The following TNFRSF8 variants were observed in gnomAD, a reference collection of about 807,000 sequenced individuals.
TNFRSF8 encodes tumor necrosis factor receptor superfamily member 8.
In TNFRSF8, 26 loss-of-function variants were observed where a neutral mutation model predicts 70.8. That is an observed-to-expected ratio of 0.37 (90% confidence interval 0.27 to 0.51). TNFRSF8 has a LOEUF of 0.51. TNFRSF8 is among the 20% of genes least tolerant of loss of function. The pLI, the probability that TNFRSF8 is intolerant of heterozygous loss-of-function variation, is 0.94. For synonymous variants in TNFRSF8, 356 were observed against 339.2 expected, an observed-to-expected ratio of 1.05 and a Z score of -0.54; for missense variants, 720 against 807.9, an observed-to-expected ratio of 0.89 and a Z score of 1.32.
chr1:12,132,099 T>A (rs1176050851), intron 12 of TNFRSF8, among the ~76,000 whole-genome samples: 1 of 152,202 alleles, frequency 6.6e-6, no homozygotes, highest in Non-Finnish European at 1.5e-5. Flanking sequence ...GTCTCATTTT[T>A]AAAAATAGTT....
At chr1:12,104,581 T>C (rs1371797012) in intron 4 of TNFRSF8, 50 bp downstream of exon 4, 22 of 1,608,540 alleles carry the variant, frequency 1.4e-5, no homozygotes, top group Non-Finnish European at 1.7e-5. Flanking sequence ...CTGTTGCTGC[T>C]GCACCTTCCG....
intron 1 of TNFRSF8, among the ~76,000 whole-genome samples, chr1:12,083,167 GA>G (rs1409985274): frequency 2.0e-5 from 3 of 152,210 alleles, no homozygotes; most frequent in Non-Finnish European, 2.9e-5. Flanking sequence ...ACCAAGTGCT[GA>G]CAAGGATGTG....
In TNFRSF8 at chr1:12,122,571, C is replaced by T. The variant is rs1251833645; in HGVS notation, c.947-713C>T. Among the ~76,000 whole-genome samples, 3 of 151,674 alleles carry T rather than the reference C, an allele frequency of 2.0e-5. No homozygotes were observed. The South Asian group carries it at 6.2e-4, about 32-fold the overall frequency. ...CTGAGGCAGGAGAATCACTTGAATCCGGGAGGCAGAAGTTGCAATGAGCTG... is the reference window on the plus strand; with the variant it reads ...CTGAGGCAGGAGAATCACTTGAATCTGGGAGGCAGAAGTTGCAATGAGCTG... On this transcript the variant is annotated intron_variant, in intron 8 of 14. Transcript: ENST00000263932.
At chr1:12,129,732 G>C (rs1028920841) in intron 12 of TNFRSF8, among the ~76,000 whole-genome samples, 1 of 152,092 alleles carries the variant, frequency 6.6e-6, no homozygotes, top group African/African-American at 2.4e-5. Context: ...GCCAGGTTTC[G>C]ATGTCTCCCT....
chr1:12,072,589 TG>T (rs559336776), intron 1 of TNFRSF8, among the ~76,000 whole-genome samples: 678 of 152,222 alleles, frequency 4.5e-3, no homozygotes, highest in Non-Finnish European at 7.3e-3. Flanking sequence ...GGGGCGAGCC[TG>T]GGGCCTGCTT....
intron 2 of TNFRSF8, among the ~76,000 whole-genome samples, chr1:12,096,652 C>T (rs1285561530): frequency 6.6e-6 from 1 of 152,102 alleles, no homozygotes; most frequent in African/African-American, 2.4e-5. Context: ...TCATATAGTG[C>T]TTGTTGGGTG....
At chr1:12,116,370 A>C (rs1003227116) in intron 8 of TNFRSF8, among the ~76,000 whole-genome samples, 41 of 152,344 alleles carry the variant, frequency 2.7e-4, no homozygotes, top group African/African-American at 9.6e-4. Context: ...TTCTAACAGG[A>C]CGGTTGGCTT....
Position 12,123,333 on chromosome 1 carries a change from G to T in TNFRSF8, c.996G>T (p.Gln332His), listed in dbSNP as rs1641868011. Reference sequence around the variant, plus strand: ...TTGAGGCGCCACCCCTGGGGACCCAGCCGGACTGCAACCCCACCCCAGAGA... The same window carrying T: ...TTGAGGCGCCACCCCTGGGGACCCATCCGGACTGCAACCCCACCCCAGAGA... The part of the protein sequence containing the change: ...TTFEAPPLGT[Q>H]PDCNPTPENG... The change falls in exon 9 of 15, where the codon CAG becomes CAT. Residue 332 changes from glutamine to histidine, a missense_variant. Transcript: ENST00000263932. The T allele has an allele frequency of 6.2e-7, 1 of 1,613,326 alleles. No homozygotes were observed. Among genetic ancestry groups the T allele is most frequent in the African/African-American group, 1.3e-5 (1 of 74,906 alleles).
intron 12 of TNFRSF8, 103 bp downstream of exon 12, chr1:12,126,339 C>T (rs527989554): frequency 1.2e-5 from 16 of 1,358,440 alleles, no homozygotes; most frequent in Admixed American, 3.5e-5. Context: ...ACCCCAGCCT[C>T]GAAGCTCCCT....
intron 12 of TNFRSF8, among the ~76,000 whole-genome samples, chr1:12,128,041 C>G (rs1466052474): frequency 6.6e-6 from 1 of 152,196 alleles, no homozygotes; most frequent in East Asian, 1.9e-4. Flanking sequence ...TCACAGAGCA[C>G]CGGGTGAGAA....
At chr1:12,080,734 A>T (rs1482223221) in intron 1 of TNFRSF8, among the ~76,000 whole-genome samples, 1 of 151,740 alleles carries the variant, frequency 6.6e-6, no homozygotes, top group Non-Finnish European at 1.5e-5. Context: ...ATTTTTTCGT[A>T]TTTTTAGTAG....
chr1:12,102,291 G>A (rs549242208), intron 3 of TNFRSF8, among the ~76,000 whole-genome samples: 44 of 152,280 alleles, frequency 2.9e-4, no homozygotes, highest in African/African-American at 1.0e-3. Context: ...GGGAAGACGC[G>A]TGGCCTCTGG....
intron 1 of TNFRSF8, among the ~76,000 whole-genome samples, chr1:12,072,860 T>A (rs1434375014): frequency 6.6e-6 from 1 of 152,122 alleles, no homozygotes; most frequent in Non-Finnish European, 1.5e-5. Context: ...GCAGGCACCC[T>A]TCCCACTCTT....
intron 3 of TNFRSF8, among the ~76,000 whole-genome samples, chr1:12,100,632 A>T (rs1180733999): frequency 6.6e-6 from 1 of 152,160 alleles, no homozygotes; most frequent in African/African-American, 2.4e-5. Context: ...CAGAGTCAGG[A>T]TCATCAGAAT....
intron 2 of TNFRSF8, among the ~76,000 whole-genome samples, chr1:12,087,222 C>T (rs968222716): frequency 5.1e-5 from 7 of 136,406 alleles, no homozygotes; most frequent in South Asian, 4.6e-4. Context: ...GGCTGGAGTA[C>T]GGTGGTGTGA....
intron 1 of TNFRSF8, among the ~76,000 whole-genome samples, chr1:12,077,309 A>G (rs1018506954): frequency 3.3e-5 from 5 of 152,164 alleles, no homozygotes; most frequent in Non-Finnish European, 7.3e-5. Flanking sequence ...GGCGGGCCCA[A>G]TCTAATCACA....
At position 12,136,870 on chromosome 1, in the gene TNFRSF8, C is replaced by CT. The variant is rs201470263; in HGVS notation, c.1335+1282dup. On this transcript the variant is annotated intron_variant, in intron 13 of 14. Transcript: ENST00000263932. ...TTTCCACTTTGAAAAATACTCAGTT[C>CT]TTTTTTTTTTTTTTTTTTTTTTTTT... Among the ~76,000 whole-genome samples, 475 of 118,630 alleles carry CT rather than the reference C, an allele frequency of 4.0e-3. 2 individuals are homozygous for CT. Among genetic ancestry groups the CT allele is most frequent in the African/African-American group, 8.9e-3 (285 of 31,966 alleles). 77.8% of individuals were successfully genotyped at this position (118,630 alleles called of 152,430 possible). A position where few individuals can be genotyped will look rare whatever the true frequency, so the allele number is the denominator to read the frequency against.
chr1:12,086,007 A>G (rs529779061), intron 2 of TNFRSF8, among the ~76,000 whole-genome samples: 1 of 152,332 alleles, frequency 6.6e-6, no homozygotes, highest in African/African-American at 2.4e-5. Flanking sequence ...TCTTGCTTTG[A>G]GGACAGCAGG....
chr1:12,115,619 G>A lies in TNFRSF8; in HGVS notation c.836G>A (p.Arg279His), dbSNP rs762712685. 5.6e-6 allele frequency: 9 copies of A among 1,614,126 alleles called. No individual in the cohort carries two copies. The highest frequency in any genetic ancestry group is 5.9e-6 in the Non-Finnish European group (7 of 1,180,022). Residue 279 changes from arginine to histidine, a missense_variant, in exon 8 of 15, where the codon CGC (arginine) becomes CAC (histidine). Physicochemically the swap from Arg to His is conservative, Grantham distance 29. Coordinates refer to ENST00000263932, the MANE Select transcript of TNFRSF8 (RefSeq NM_001243.5). Reference sequence around the variant, plus strand: ...ACGCCATGTGCATGGAACTCCTCCCGCACCTGCGAATGTCGACCTGGCATG... The same window carrying A: ...ACGCCATGTGCATGGAACTCCTCCCACACCTGCGAATGTCGACCTGGCATG... ...EKTPCAWNSS[R>H]TCECRPGMIC...
Sources: allele counts gnomAD v4.1 joint callset (sites outside exome capture counted in the v4.1 genomes callset), GRCh38; gene constraint gnomAD v4.1.1; transcripts MANE v1.5; gene names NCBI Gene and HGNC (gene_info 2026-07-23, HGNC 2026-07-21).